TAOK3: variants seen among roughly 807,000 people sequenced by gnomAD.
TAOK3 encodes the protein TAO kinase 3.
In TAOK3, 40 loss-of-function variants were observed where a neutral mutation model predicts 120.4. The ratio of observed to expected loss-of-function variants is 0.33; its 90% CI spans 0.26 to 0.43. The LOEUF (loss-of-function observed/expected upper bound fraction) is 0.43. Ranked by LOEUF, TAOK3 falls within the 20% of genes least tolerant of loss-of-function variation. The probability of loss-of-function intolerance (pLI) is 1.00; values close to 1 mark genes in which losing one functional copy is unlikely to be tolerated. For missense variants in TAOK3, 821 were observed against 1,112.1 expected (o/e 0.74, Z 3.72); for synonymous variants, 355 against 387.5 (o/e 0.92, Z 0.99).
intron 13 of TAOK3, among the ~76,000 whole-genome samples, chr12:118,196,545 A>G (rs1365383422): frequency 1.3e-5 from 2 of 152,180 alleles, no homozygotes; most frequent in African/African-American, 4.8e-5. Flanking sequence ...AAGAAAAGAT[A>G]TATCTGCTTG....
intron 1 of TAOK3, among the ~76,000 whole-genome samples, chr12:118,351,160 C>T (rs2045134339): frequency 6.6e-6 from 1 of 152,006 alleles, no homozygotes; most frequent in Admixed American, 6.6e-5. Flanking sequence ...GCCTAGGTGA[C>T]AGAATAAAAC....
In TAOK3 at chr12:118,160,721, A is replaced by C. The variant is rs2035160305; in HGVS notation, c.2140-363T>G. ...CTAGTCAGACACTTCAGTGTCTTCC[A>C]TTGTTCATTGTTTTTCCCCCCTTTT... On this transcript the variant is annotated intron_variant, in intron 18 of 20. Transcript: ENST00000392533. This position sits in a 1 kb window ranked among gnomAD's most constrained non-coding sequence, Gnocchi z 4.2. Among the ~76,000 whole-genome samples the C allele has an allele frequency of 6.6e-6, 1 of 152,084 alleles. No individual in the cohort carries two copies. The highest frequency in any genetic ancestry group is 2.1e-4 in the South Asian group (1 of 4,822).
chr12:118,364,011 C>T (rs898273831), intron 1 of TAOK3, among the ~76,000 whole-genome samples: 1 of 152,002 alleles, frequency 6.6e-6, no homozygotes, highest in Admixed American at 6.6e-5. Context: ...ATCCCAGTTA[C>T]GCCTATAATC....
chr12:118,197,374 C>T (rs1223206191), intron 13 of TAOK3, among the ~76,000 whole-genome samples: 1 of 152,176 alleles, frequency 6.6e-6, no homozygotes, highest in Non-Finnish European at 1.5e-5. Context: ...TAAGTCATCA[C>T]ACATCAGGGA....
At chr12:118,326,187 T>C (rs1189939842) in intron 1 of TAOK3, among the ~76,000 whole-genome samples, 1 of 152,236 alleles carries the variant, frequency 6.6e-6, no homozygotes, top group Non-Finnish European at 1.5e-5. Context: ...TTATTTTTTG[T>C]ATATGGTTGA....
At chr12:118,340,040 C>A (rs2044549256) in intron 1 of TAOK3, among the ~76,000 whole-genome samples, 2 of 152,192 alleles carry the variant, frequency 1.3e-5, no homozygotes, top group South Asian at 2.1e-4. Flanking sequence ...ACACTTATTT[C>A]TCTTAAAACA....
chr12:118,337,891 A>G (rs2044431941), intron 1 of TAOK3, among the ~76,000 whole-genome samples: 1 of 152,202 alleles, frequency 6.6e-6, no homozygotes, highest in Admixed American at 6.5e-5. Context: ...ATATACACAC[A>G]TGTAAAACTG....
chr12:118,190,029 C>T, intron 13 of TAOK3, 88 bp from the exon 14 acceptor site: 2 of 1,550,494 alleles, frequency 1.3e-6, no homozygotes, highest in Non-Finnish European at 1.8e-6. Context: ...TCTGCACAAG[C>T]ACTGCTGTTT....
intron 13 of TAOK3, among the ~76,000 whole-genome samples, chr12:118,197,682 CTTTTT>C (rs67635506): frequency 7.7e-5 from 7 of 90,780 alleles, no homozygotes; most frequent in East Asian, 6.5e-4. Context: ...GCAAAACCTT[CTTTTT>C]TTTTTTTTTT....
intron 2 of TAOK3, among the ~76,000 whole-genome samples, chr12:118,266,002 A>G (rs2041431039): frequency 6.6e-6 from 1 of 152,202 alleles, no homozygotes. Flanking sequence ...CCTTTTAGGT[A>G]ATTTCAAATC....
intron 14 of TAOK3, among the ~76,000 whole-genome samples, chr12:118,184,470 T>C (rs2036953835): frequency 1.3e-5 from 2 of 152,216 alleles, no homozygotes; most frequent in Admixed American, 6.6e-5. Flanking sequence ...TTTTCATGCA[T>C]ATGGTTTAAA....
chr12:118,209,517 G>A (rs1462199511), intron 11 of TAOK3, among the ~76,000 whole-genome samples: 1 of 151,472 alleles, frequency 6.6e-6, no homozygotes, highest in Non-Finnish European at 1.5e-5. Context: ...TCCTGCCTCA[G>A]CCACTCGATT....
intron 13 of TAOK3, among the ~76,000 whole-genome samples, chr12:118,194,312 T>A (rs1057323358): frequency 6.6e-6 from 1 of 151,988 alleles, no homozygotes; most frequent in Non-Finnish European, 1.5e-5. Context: ...GGGGTAGCTA[T>A]CAAAAGCTGG....
chr12:118,214,600 G>C (rs987143572), intron 9 of TAOK3, among the ~76,000 whole-genome samples: 1 of 148,926 alleles, frequency 6.7e-6, no homozygotes, highest in South Asian at 2.1e-4. Flanking sequence ...TTTTTGTGAC[G>C]GAGTCTTGCT....
At chr12:118,260,015 G>A (rs1218637258) in intron 2 of TAOK3, among the ~76,000 whole-genome samples, 2 of 152,190 alleles carry the variant, frequency 1.3e-5, no homozygotes, top group African/African-American at 4.8e-5. Flanking sequence ...CCCTAGCCAG[G>A]ATAAGAAATC....
At chr12:118,260,871 G>A (rs760200170) in intron 2 of TAOK3, among the ~76,000 whole-genome samples, 2 of 152,154 alleles carry the variant, frequency 1.3e-5, no homozygotes, top group African/African-American at 2.4e-5. Context: ...AGTAGAGACA[G>A]GGTTTCACCA....
intron 2 of TAOK3, among the ~76,000 whole-genome samples, chr12:118,257,441 T>G (rs1368371446): frequency 6.6e-6 from 1 of 152,162 alleles, no homozygotes; most frequent in Non-Finnish European, 1.5e-5. Context: ...TTCTTTTTTA[T>G]TTTTTGAAAA....
intron 10 of TAOK3, 114 bp downstream of exon 10, chr12:118,213,903 T>C (rs2139492045): frequency 3.4e-6 from 3 of 879,508 alleles, no homozygotes; most frequent in Non-Finnish European, 3.6e-6. Context: ...TGTAACAACA[T>C]ACAGTGAAGG....
intron 16 of TAOK3, among the ~76,000 whole-genome samples, chr12:118,174,718 A>G (rs969202521): frequency 3.9e-5 from 6 of 152,076 alleles, no homozygotes; most frequent in African/African-American, 1.4e-4. Context: ...GCTGGAGTGC[A>G]GTGGTGTGAT....
Sources: allele counts gnomAD v4.1 joint callset (sites outside exome capture counted in the v4.1 genomes callset), GRCh38; gene constraint gnomAD v4.1.1; non-coding constraint Gnocchi (gnomAD v3.1); transcripts MANE v1.5; gene names NCBI Gene and HGNC (gene_info 2026-07-23, HGNC 2026-07-21).